The following EDIL3 variants were observed in gnomAD, a reference collection of about 807,000 sequenced individuals.
EDIL3 encodes the protein EGF-like repeat and discoidin I-like domain-containing protein 3.
EDIL3 carries 37 observed loss-of-function variants against 67.4 expected under a neutral mutation model. The ratio of observed to expected loss-of-function variants is 0.55; its 90% CI spans 0.42 to 0.72. EDIL3 has a LOEUF of 0.72. Among genes scored for constraint, EDIL3 ranks in the 30% least tolerant of loss-of-function variants. The pLI is 0.00. For missense variants in EDIL3, 527 were observed against 586.3 expected, an observed-to-expected ratio of 0.90 and a Z score of 1.04; for synonymous variants, 195 against 196.3, an observed-to-expected ratio of 0.99 and a Z score of 0.05.
intron 6 of EDIL3, among the ~76,000 whole-genome samples, chr5:84,092,612 A>G (rs1747186841): frequency 6.6e-6 from 1 of 152,210 alleles, no homozygotes; most frequent in Non-Finnish European, 1.5e-5. Flanking sequence ...TACAAATTTC[A>G]TAAGCTATAA....
chr5:84,106,683 G>A lies in EDIL3; in HGVS notation c.617C>T (p.Thr206Ile). ...CGGCCATCTGTCATTTTCTGCAGCT[G>A]TCCACGCATTTATAAGCCCCTTCTT... is the stretch of plus-strand genomic sequence containing the variant. ...LNKKGLINAW[T>I]AAENDRWPWI... Residue 206 changes from threonine to isoleucine, a missense_variant, in exon 6 of 11, where the codon ACA (threonine) becomes ATA (isoleucine). This residue lies in a region of EDIL3 where 494 missense variants were observed against 522.5 expected (regional missense o/e 0.95). Coordinates refer to ENST00000296591, the MANE Select transcript of EDIL3 (RefSeq NM_005711.5). 1 of 1,611,338 alleles carries A rather than the reference G, an allele frequency of 6.2e-7. No individual in the cohort carries two copies. Among genetic ancestry groups the A allele is most frequent in the South Asian group, 1.1e-5 (1 of 90,574 alleles).
At chr5:83,955,469 T>G (rs1744499432) in intron 10 of EDIL3, among the ~76,000 whole-genome samples, 1 of 151,640 alleles carries the variant, frequency 6.6e-6, no homozygotes, top group Non-Finnish European at 1.5e-5. Flanking sequence ...TTTAAGGGAG[T>G]TTATCAAACT....
intron 9 of EDIL3, among the ~76,000 whole-genome samples, chr5:83,972,865 C>A (rs1744817208): frequency 6.6e-6 from 1 of 151,876 alleles, no homozygotes; most frequent in African/African-American, 2.4e-5. Context: ...TTAAAATGAG[C>A]AGATCTTTAT....
intron 1 of EDIL3, among the ~76,000 whole-genome samples, chr5:84,346,270 C>T (rs7707440): frequency 1.7e-4 from 25 of 151,270 alleles, no homozygotes; most frequent in African/African-American, 5.8e-4. Context: ...CAGCCTCCCG[C>T]AAACTTTTTT....
At chr5:84,187,898 C>T (rs1011862803) in intron 3 of EDIL3, among the ~76,000 whole-genome samples, 2 of 151,802 alleles carry the variant, frequency 1.3e-5, no homozygotes, top group Admixed American at 1.3e-4. Context: ...CAAAATTCAG[C>T]CATTTGAGGA....
intron 1 of EDIL3, among the ~76,000 whole-genome samples, chr5:84,383,833 C>T (rs1748150005): frequency 6.6e-6 from 1 of 152,184 alleles, no homozygotes; most frequent in South Asian, 2.1e-4. Context: ...TGCGCCAGAG[C>T]ACCGCACCCG....
rs146927890 is a variant in EDIL3, at chr5:84,008,731, T to TA, written c.1138-45372dup. 7.6e-3 allele frequency among the ~76,000 whole-genome samples: 1,163 copies of TA among 152,250 alleles called. 21 individuals are homozygous for TA. The highest frequency in any genetic ancestry group is 0.025 in the African/African-American group (1,057 of 41,542). On this transcript the variant is annotated intron_variant, in intron 9 of 10. Transcript: ENST00000296591. Reference sequence around the variant, plus strand: ...AGTGAGTAGGAGGTGGGAGGAAGGTTAAAAATAAGTGAGGATAATAATCAG... The same window carrying TA: ...AGTGAGTAGGAGGTGGGAGGAAGGTTAAAAAATAAGTGAGGATAATAATCAG...
intron 4 of EDIL3, among the ~76,000 whole-genome samples, chr5:84,163,421 A>T (rs1461689333): frequency 6.6e-6 from 1 of 152,104 alleles, no homozygotes; most frequent in Non-Finnish European, 1.5e-5. Context: ...TTAAAATATC[A>T]ATTAAAAAAT....
intron 1 of EDIL3, among the ~76,000 whole-genome samples, chr5:84,377,312 A>G (rs1461505568): frequency 6.6e-6 from 1 of 151,764 alleles, no homozygotes; most frequent in Non-Finnish European, 1.5e-5. Context: ...CGTCTCAAAA[A>G]AAAAAAAAAA....
intron 6 of EDIL3, among the ~76,000 whole-genome samples, chr5:84,073,197 CA>C (rs1371904134): frequency 6.6e-6 from 1 of 152,102 alleles, no homozygotes; most frequent in East Asian, 1.9e-4. Flanking sequence ...GGACGTATCT[CA>C]AAATAATAAG....
intron 5 of EDIL3, among the ~76,000 whole-genome samples, chr5:84,133,470 A>C (rs1353200580): frequency 1.3e-4 from 19 of 148,998 alleles, no homozygotes; most frequent in Non-Finnish European, 2.5e-4. Flanking sequence ...AATACAAAAA[A>C]AAAAAAAAAA....
At chr5:84,299,451 T>C (rs1243883785) in intron 1 of EDIL3, among the ~76,000 whole-genome samples, 4 of 152,184 alleles carry the variant, frequency 2.6e-5, no homozygotes, top group Non-Finnish European at 5.9e-5. Context: ...CCACTCCTCA[T>C]AGATCCCTAC....
intron 9 of EDIL3, among the ~76,000 whole-genome samples, chr5:84,053,858 C>A (rs1267704487): frequency 6.6e-6 from 1 of 152,160 alleles, no homozygotes; most frequent in Admixed American, 6.5e-5. Context: ...GATGGATTCA[C>A]AGCTGAATTC....
At chr5:84,190,980 A>G (rs554396132) in intron 3 of EDIL3, among the ~76,000 whole-genome samples, 1 of 152,162 alleles carries the variant, frequency 6.6e-6, no homozygotes, top group East Asian at 1.9e-4. Context: ...TAGAAATGTC[A>G]GCATATAACC....
At chr5:83,948,614 G>GA (rs987869414) in intron 10 of EDIL3, among the ~76,000 whole-genome samples, 1 of 151,208 alleles carries the variant, frequency 6.6e-6, no homozygotes, top group Non-Finnish European at 1.5e-5. Flanking sequence ...TATTAAAAAG[G>GA]AAAAAAATAT....
At chr5:84,331,586 A>G (rs1746872444) in intron 1 of EDIL3, among the ~76,000 whole-genome samples, 1 of 152,122 alleles carries the variant, frequency 6.6e-6, no homozygotes. Flanking sequence ...AATTTTCCTG[A>G]GGCCTCCCCA....
intron 3 of EDIL3, among the ~76,000 whole-genome samples, chr5:84,182,007 A>G (rs561692126): frequency 1.2e-4 from 18 of 152,250 alleles, no homozygotes; most frequent in Non-Finnish European, 2.1e-4. Flanking sequence ...GTTCAGCTGA[A>G]ACAAGAAGCA....
chr5:84,275,417 T>C (rs1388864079), intron 1 of EDIL3, among the ~76,000 whole-genome samples: 1 of 152,208 alleles, frequency 6.6e-6, no homozygotes, highest in Non-Finnish European at 1.5e-5. Context: ...CCTAAGCCAC[T>C]CTTATTTAAA....
At chr5:84,269,027 A>G (rs1745408435) in intron 1 of EDIL3, among the ~76,000 whole-genome samples, 1 of 152,222 alleles carries the variant, frequency 6.6e-6, no homozygotes, top group Non-Finnish European at 1.5e-5. Context: ...CATGAACTTT[A>G]AACACCCTCT....
Sources: gnomAD v4.1 joint callset for allele counts (sites outside exome capture counted in the v4.1 genomes callset) on GRCh38, gnomAD v4.1.1 for gene constraint, gnomAD v4.1.1 regional missense constraint, MANE v1.5 for transcripts, NCBI Gene and HGNC (gene_info 2026-07-23, HGNC 2026-07-21) for gene names.